ZNF469: variants seen among roughly 807,000 people sequenced by gnomAD.
ZNF469 encodes zinc finger protein 469.
ZNF469 carries 1 observed loss-of-function variant against 1.0 expected under a neutral mutation model. The ratio of observed to expected loss-of-function variants is 1.00; its 90% CI spans 0.35 to 4.73. The LOEUF (loss-of-function observed/expected upper bound fraction) is 4.73, where lower values mean the gene tolerates loss of function less well. Ranked by LOEUF, ZNF469 falls within the 30% of genes most tolerant of loss-of-function variation. ZNF469 has a pLI of 0.16. For missense variants in ZNF469, 6,100 were observed against 5,356.3 expected, an observed-to-expected ratio of 1.14 and a Z score of -4.33; for synonymous variants, 2,703 against 2,363.4, an observed-to-expected ratio of 1.14 and a Z score of -4.17.
the ZNF469 span, among the ~76,000 whole-genome samples, chr16:88,369,688 A>G: frequency 6.6e-6 from 1 of 152,220 alleles, no homozygotes; most frequent in East Asian, 1.9e-4. Flanking sequence ...CACTGTCCCC[A>G]CTGCCCTGTT....
At chr16:88,121,828 T>C in the ZNF469 span, among the ~76,000 whole-genome samples, 1 of 152,214 alleles carries the variant, frequency 6.6e-6, no homozygotes, top group African/African-American at 2.4e-5. Context: ...TGATTAGGAA[T>C]TTATTTGTCA....
the ZNF469 span, among the ~76,000 whole-genome samples, chr16:88,156,559 G>A: frequency 4.1e-4 from 62 of 152,328 alleles, no homozygotes; most frequent in African/African-American, 1.2e-3. Context: ...AAGTTGAAGC[G>A]TTAGATTTAT....
the ZNF469 span, among the ~76,000 whole-genome samples, chr16:88,188,684 G>A: frequency 6.6e-6 from 1 of 152,140 alleles, no homozygotes; most frequent in Non-Finnish European, 1.5e-5. Context: ...AGTGCCACGG[G>A]TCTCCAGGCT....
chr16:88,373,684 T>C, the ZNF469 span, among the ~76,000 whole-genome samples: 4 of 152,112 alleles, frequency 2.6e-5, no homozygotes, highest in African/African-American at 9.7e-5. Flanking sequence ...AGGGGAGGAA[T>C]CTTGAGCAGG....
intron 1 of ZNF469, among the ~76,000 whole-genome samples, chr16:88,402,762 C>G (rs1904918714): frequency 6.6e-6 from 1 of 152,220 alleles, no homozygotes; most frequent in Non-Finnish European, 1.5e-5. Context: ...TCCTCCGGTT[C>G]CAGGGCCTCT....
At chr16:88,346,380 G>A in the ZNF469 span, among the ~76,000 whole-genome samples, 408 of 152,350 alleles carry the variant, frequency 2.7e-3, 1 homozygote, top group African/African-American at 9.1e-3. Context: ...GGCAGAACTC[G>A]CTGGGAAACT....
the ZNF469 span, among the ~76,000 whole-genome samples, chr16:88,309,127 C>CT: frequency 2.0e-5 from 3 of 152,238 alleles, no homozygotes; most frequent in Non-Finnish European, 2.9e-5. Flanking sequence ...CCTAGTGAGT[C>CT]TCTCATACCT....
chr16:88,366,096 C>G, the ZNF469 span, among the ~76,000 whole-genome samples: 27 of 126,560 alleles, frequency 2.1e-4, no homozygotes, highest in African/African-American at 8.4e-4. Flanking sequence ...CCATCATCAT[C>G]ACCATCATCA....
At chr16:88,339,896 G>A in the ZNF469 span, among the ~76,000 whole-genome samples, 1 of 149,724 alleles carries the variant, frequency 6.7e-6, no homozygotes, top group South Asian at 2.1e-4. Flanking sequence ...CCTGGCCATG[G>A]CAAAGCCCAG....
At chr16:88,254,056 C>G in the ZNF469 span, among the ~76,000 whole-genome samples, 4 of 151,786 alleles carry the variant, frequency 2.6e-5, no homozygotes, top group African/African-American at 7.3e-5. Flanking sequence ...CTGGTTATTA[C>G]TTTTGGCTTC....
chr16:88,357,073 C>T, the ZNF469 span, among the ~76,000 whole-genome samples: 1 of 152,234 alleles, frequency 6.6e-6, no homozygotes, highest in Non-Finnish European at 1.5e-5. Flanking sequence ...CCTTGGTGGT[C>T]CCCAGTTGTA....
the ZNF469 span, among the ~76,000 whole-genome samples, chr16:88,256,896 T>TCTCTCTC: frequency 5.3e-3 from 142 of 26,980 alleles, no homozygotes; most frequent in African/African-American, 0.018. Flanking sequence ...TTTTCTTTCC[T>TCTCTCTC]TCTTTCTTTC....
chr16:88,368,881 C>G, the ZNF469 span, among the ~76,000 whole-genome samples: 2 of 152,146 alleles, frequency 1.3e-5, no homozygotes, highest in Non-Finnish European at 2.9e-5. Flanking sequence ...GAGTTCGAGA[C>G]CAGCCTGGCC....
the ZNF469 span, among the ~76,000 whole-genome samples, chr16:88,138,036 C>T: frequency 1.8e-3 from 276 of 152,264 alleles, 2 homozygotes; most frequent in Non-Finnish European, 3.3e-3. Context: ...CCACCACTCC[C>T]GGTCCAAGGG....
intron 1 of ZNF469, among the ~76,000 whole-genome samples, chr16:88,405,824 C>T (rs529232659): frequency 3.3e-5 from 5 of 152,334 alleles, no homozygotes; most frequent in South Asian, 2.1e-4. Context: ...AGGCCAGAAA[C>T]GCCTCCAGCC....
At chr16:88,226,249 G>A in the ZNF469 span, among the ~76,000 whole-genome samples, 1 of 152,166 alleles carries the variant, frequency 6.6e-6, no homozygotes, top group South Asian at 2.1e-4. Context: ...TTCACCCCCA[G>A]CACGCAGGAT....
the ZNF469 span, among the ~76,000 whole-genome samples, chr16:88,290,588 T>G: frequency 6.6e-6 from 1 of 152,216 alleles, no homozygotes; most frequent in East Asian, 1.9e-4. Flanking sequence ...AAATAAATGT[T>G]GAGAGTCTGA....
chr16:88,317,307 C>T, the ZNF469 span, among the ~76,000 whole-genome samples: 1 of 152,378 alleles, frequency 6.6e-6, no homozygotes, highest in Admixed American at 6.5e-5. Context: ...CCTCCTTCTG[C>T]CTTCTCCCCA....
chr16:88,342,953 G>A, the ZNF469 span, among the ~76,000 whole-genome samples: 2 of 152,340 alleles, frequency 1.3e-5, no homozygotes, highest in Admixed American at 6.5e-5. Context: ...GCAAGGCTGG[G>A]CTCAAGTCCT....
Sources: allele counts gnomAD v4.1 joint callset (sites outside exome capture counted in the v4.1 genomes callset), GRCh38; gene constraint gnomAD v4.1.1; transcripts MANE v1.5; gene names NCBI Gene and HGNC (gene_info 2026-07-23, HGNC 2026-07-21).